Variants in CHL1 observed in about 807,000 individuals in gnomAD.
CHL1 encodes neural cell adhesion molecule L1-like protein.
CHL1 carries 96 observed loss-of-function variants against 141.9 expected under a neutral mutation model. The ratio of observed to expected loss-of-function variants is 0.68; its 90% confidence interval spans 0.57 to 0.80. The LOEUF (loss-of-function observed/expected upper bound fraction) is 0.80, where lower values mean the gene tolerates loss of function less well. Among genes scored for constraint, CHL1 ranks in the 30% least tolerant of loss-of-function variants. The pLI, the probability that CHL1 is intolerant of heterozygous loss-of-function variation, is 0.00. For missense variants in CHL1, 1,820 were observed against 1,457.2 expected, an observed-to-expected ratio of 1.25 and a Z score of -4.05; for synonymous variants, 613 against 502.2, an observed-to-expected ratio of 1.22 and a Z score of -2.95.
intron 2 of CHL1, among the ~76,000 whole-genome samples, chr3:276,309 A>C (rs908558675): frequency 2.0e-5 from 3 of 152,168 alleles, no homozygotes; most frequent in South Asian, 4.1e-4. Context: ...AATCAACTTG[A>C]GCTTTGAAGG....
intron 19 of CHL1, among the ~76,000 whole-genome samples, chr3:388,408 G>A (rs1357745893): frequency 1.3e-5 from 2 of 151,828 alleles, no homozygotes; most frequent in Admixed American, 6.6e-5. Flanking sequence ...TTAGCCGGGC[G>A]TGGTGGTGCA....
At chr3:289,489 T>C (rs1697467505) in intron 2 of CHL1, among the ~76,000 whole-genome samples, 1 of 152,204 alleles carries the variant, frequency 6.6e-6, no homozygotes, top group South Asian at 2.1e-4. Context: ...TATCCATCTC[T>C]CATTATTCAT....
intron 3 of CHL1, among the ~76,000 whole-genome samples, chr3:320,189 C>G (rs932885137): frequency 6.6e-6 from 1 of 151,940 alleles, no homozygotes; most frequent in Non-Finnish European, 1.5e-5. Context: ...CTTTTGTATA[C>G]TTAGGTTAGT....
intron 5 of CHL1, among the ~76,000 whole-genome samples, chr3:334,875 T>C (rs1006175258): frequency 6.6e-6 from 1 of 152,206 alleles, no homozygotes; most frequent in Non-Finnish European, 1.5e-5. Flanking sequence ...CATTGCCTTG[T>C]AGATGTCACA....
chr3:273,446 C>T (rs1268634012), intron 2 of CHL1, among the ~76,000 whole-genome samples: 2 of 152,132 alleles, frequency 1.3e-5, no homozygotes, highest in Non-Finnish European at 2.9e-5. Context: ...CACTCCTAGA[C>T]TTAATCATTT....
intron 2 of CHL1, among the ~76,000 whole-genome samples, chr3:246,289 T>C (rs918110554): frequency 6.6e-6 from 1 of 152,088 alleles, no homozygotes; most frequent in African/African-American, 2.4e-5. Context: ...CTTGACATTA[T>C]GAAAATGGAT....
At chr3:269,178 C>G (rs1046300833) in intron 2 of CHL1, among the ~76,000 whole-genome samples, 5 of 152,138 alleles carry the variant, frequency 3.3e-5, no homozygotes, top group Non-Finnish European at 7.4e-5. Flanking sequence ...GTTTTGGAGG[C>G]AGGAAGGAGG....
intron 2 of CHL1, among the ~76,000 whole-genome samples, chr3:296,420 G>A (rs901115484): frequency 4.7e-5 from 6 of 128,192 alleles, no homozygotes; most frequent in Non-Finnish European, 7.9e-5. Context: ...AAATCCTGTC[G>A]CCTTTCTCTC....
At chr3:315,620 G>A (rs917159125) in intron 2 of CHL1, among the ~76,000 whole-genome samples, 3 of 151,994 alleles carry the variant, frequency 2.0e-5, no homozygotes, top group African/African-American at 7.3e-5. Flanking sequence ...TTTCCTTTTT[G>A]TTGTGTTGGA....
Position 242,550 on chromosome 3 carries a change from T to C in CHL1, c.-174-2063T>C, listed in dbSNP as rs570361730. On this transcript the variant is annotated intron_variant, in intron 1 of 27. Transcript: ENST00000256509. ...GGCAGAGCTTGCAGTGAGCCGAGATTGTGCCACTGCACTCCAGCCTGGGTA... is the reference window on the plus strand; with the variant it reads ...GGCAGAGCTTGCAGTGAGCCGAGATCGTGCCACTGCACTCCAGCCTGGGTA... 3.9e-4 allele frequency among the ~76,000 whole-genome samples: 59 copies of C among 152,046 alleles called. No individual in the cohort carries two copies. The South Asian group carries it at 4.4e-3, about 11-fold the overall frequency.
intron 1 of CHL1, among the ~76,000 whole-genome samples, chr3:225,780 T>C (rs62228289): frequency 0.048 from 7,250 of 152,036 alleles, 176 homozygotes; most frequent in Non-Finnish European, 0.061. Flanking sequence ...GAGGCTGAGG[T>C]GGGCAGATCA....
At position 405,783 on chromosome 3, in the gene CHL1, C is replaced by T; in HGVS notation, c.*72C>T. ...ATTTATCTGTTCAAAGGAGCAAGAACTTTCATATAGGAATAGAAACATGCT... is the reference window on the plus strand; with the variant it reads ...ATTTATCTGTTCAAAGGAGCAAGAATTTTCATATAGGAATAGAAACATGCT... On this transcript the variant is annotated 3_prime_UTR_variant, in exon 28 of 28. Transcript: ENST00000256509. The T allele has an allele frequency of 1.8e-6, 2 of 1,101,928 alleles. No homozygotes were observed. The highest frequency in any genetic ancestry group is 2.7e-6 in the Non-Finnish European group (2 of 735,872). 68.3% of individuals were successfully genotyped at this position (1,101,928 alleles called of 1,614,324 possible).
intron 1 of CHL1, among the ~76,000 whole-genome samples, chr3:225,917 G>C (rs1281316496): frequency 6.6e-6 from 1 of 151,800 alleles, no homozygotes; most frequent in Admixed American, 6.6e-5. Context: ...GCTGAGGCAG[G>C]AGAATCACTT....
chr3:343,342 T>C (rs1019975559), intron 8 of CHL1, among the ~76,000 whole-genome samples: 21 of 152,228 alleles, frequency 1.4e-4, no homozygotes, highest in Non-Finnish European at 2.1e-4. Flanking sequence ...ATAAGGTTGA[T>C]ACTTTTGCAG....
intron 1 of CHL1, among the ~76,000 whole-genome samples, chr3:232,773 A>G (rs1449706109): frequency 2.0e-5 from 3 of 152,096 alleles, no homozygotes; most frequent in Non-Finnish European, 4.4e-5. Flanking sequence ...AAATGAAGAA[A>G]GAGACCTTCA....
rs557200705 is a variant in CHL1, at chr3:219,567, C to T, written c.-175+22504C>T. ...CATGGATGGAGCTGGAGGCTATTAT[C>T]CTTAGCAAACTAATGCAGGACCTAA... On this transcript the variant is annotated intron_variant, in intron 1 of 27. Coordinates refer to ENST00000256509, the MANE Select transcript of CHL1 (RefSeq NM_006614.4). 9.9e-5 allele frequency among the ~76,000 whole-genome samples: 15 copies of T among 152,228 alleles called. No homozygotes were observed. The South Asian group carries it at 2.7e-3, about 27-fold the overall frequency.
chr3:281,587 T>A (rs1345623603), intron 2 of CHL1, among the ~76,000 whole-genome samples: 1 of 148,300 alleles, frequency 6.7e-6, no homozygotes. Context: ...TGAGACAAAG[T>A]CCCACTCTGT....
At chr3:323,302 G>A (rs1700742045) in intron 3 of CHL1, among the ~76,000 whole-genome samples, 1 of 152,036 alleles carries the variant, frequency 6.6e-6, no homozygotes, top group Non-Finnish European at 1.5e-5. Context: ...GTAAGCTTGA[G>A]AGCTTCCCGA....
chr3:200,436 G>C (rs1285925297), intron 1 of CHL1, among the ~76,000 whole-genome samples: 1 of 152,128 alleles, frequency 6.6e-6, no homozygotes, highest in Non-Finnish European at 1.5e-5. Flanking sequence ...TATATTATCT[G>C]ATTCAGTCAA....
Sources: gnomAD v4.1 joint callset for allele counts (sites outside exome capture counted in the v4.1 genomes callset) on GRCh38, gnomAD v4.1.1 for gene constraint, MANE v1.5 for transcripts, NCBI Gene and HGNC (gene_info 2026-07-23, HGNC 2026-07-21) for gene names.